TXNRD2: variants seen among roughly 807,000 people sequenced by gnomAD.
TXNRD2 encodes thioredoxin reductase 2, mitochondrial.
A neutral mutation model predicts 70.8 loss-of-function variants in TXNRD2; 67 were observed. That is an observed-to-expected ratio of 0.95 (90% CI 0.78 to 1.16). TXNRD2 has a LOEUF of 1.16. TXNRD2 is among the 50% of genes most tolerant of loss of function. The probability of loss-of-function intolerance (pLI) is 0.00; values close to 1 mark genes in which losing one functional copy is unlikely to be tolerated. For missense variants in TXNRD2, 644 were observed against 719.9 expected, an observed-to-expected ratio of 0.89 and a Z score of 1.21; for synonymous variants, 301 against 295.8, an observed-to-expected ratio of 1.02 and a Z score of -0.18.
intron 11 of TXNRD2, among the ~76,000 whole-genome samples, chr22:19,884,822 A>G (rs903340856): frequency 2.0e-5 from 3 of 152,210 alleles, no homozygotes; most frequent in Admixed American, 2.0e-4. Flanking sequence ...GTAGAGGGCC[A>G]GGTGAGCAGA....
At chr22:19,886,878 T>C (rs1939057009) in intron 11 of TXNRD2, among the ~76,000 whole-genome samples, 1 of 152,198 alleles carries the variant, frequency 6.6e-6, no homozygotes, top group South Asian at 2.1e-4. Context: ...ACCACCAGGA[T>C]GGAGACCTGG....
At chr22:19,880,364 A>G in intron 13 of TXNRD2, 93 bp from the exon 14 acceptor site, 1 of 1,321,796 alleles carries the variant, frequency 7.6e-7, no homozygotes, top group Non-Finnish European at 1.1e-6. Context: ...ATCACAGACC[A>G]GGACCAGATG....
chr22:19,931,074 A>G lies in TXNRD2; in HGVS notation c.128T>C (p.Leu43Pro), dbSNP rs758028882. 14 of 1,613,380 alleles carry G rather than the reference A, an allele frequency of 8.7e-6. No homozygotes were observed. The South Asian group carries it at 1.5e-4, about 18-fold the overall frequency. The change falls in exon 2 of 18, where the codon CTG (leucine) becomes CCG (proline). Residue 43 changes from leucine to proline, a missense_variant. By Grantham distance (98) the Leu-to-Pro change is moderately conservative. Coordinates refer to ENST00000400521, the MANE Select transcript of TXNRD2 (RefSeq NM_006440.5). ...GCCACCAGATCCCCCGCCGACCACCAGGAGATCATAGTCCCGCTGACCTGC... is the reference window on the plus strand; with the variant it reads ...GCCACCAGATCCCCCGCCGACCACCGGGAGATCATAGTCCCGCTGACCTGC... ...AAAGQRDYDL[L>P]VVGGGSGGLA...
chr22:19,907,175 C>T (rs1264743673), intron 8 of TXNRD2, among the ~76,000 whole-genome samples: 29 of 77,926 alleles, frequency 3.7e-4, no homozygotes, highest in Middle Eastern at 7.9e-3. Flanking sequence ...AGAGTGTGGG[C>T]GCACCATGAG....
intron 12 of TXNRD2, 50 bp downstream of exon 12, chr22:19,883,275 T>G (rs1601389018): frequency 6.2e-7 from 1 of 1,601,706 alleles, no homozygotes; most frequent in South Asian, 1.1e-5. Context: ...CGAGCAGGGG[T>G]GGTGGAGCAG....
At chr22:19,909,003 G>C (rs1940195304) in intron 8 of TXNRD2, among the ~76,000 whole-genome samples, 1 of 152,104 alleles carries the variant, frequency 6.6e-6, no homozygotes, top group Non-Finnish European at 1.5e-5. Flanking sequence ...TCAGGAGTTT[G>C]AGACCAGCCT....
intron 7 of TXNRD2, among the ~76,000 whole-genome samples, chr22:19,914,013 C>T (rs1482152543): frequency 1.3e-5 from 2 of 152,196 alleles, no homozygotes; most frequent in African/African-American, 2.4e-5. Context: ...CAACAGAATC[C>T]TGGGGCAGAG....
At position 19,895,597 on chromosome 22, in the gene TXNRD2, A is replaced by C; in HGVS notation, c.775-16T>G. 1 of 1,608,114 alleles carries C rather than the reference A, an allele frequency of 6.2e-7. No individual in the cohort carries two copies. Reference sequence around the variant, plus strand: ...AGGACATTTGCTGCAAAGCACAAGAAGACAGGCCATGAAGACCAGGTGGCC... The same window carrying C: ...AGGACATTTGCTGCAAAGCACAAGACGACAGGCCATGAAGACCAGGTGGCC... On this transcript the variant is annotated splice_polypyrimidine_tract_variant and intron_variant, in intron 10 of 17. Coordinates refer to ENST00000400521, the MANE Select transcript of TXNRD2 (RefSeq NM_006440.5).
intron 11 of TXNRD2, chr22:19,895,184 C>A (rs769617627): frequency 1.3e-6 from 2 of 1,598,308 alleles, no homozygotes. Flanking sequence ...TGGGGAGACA[C>A]GCAGAGATGC....
chr22:19,882,062 G>A (rs1326471288), intron 12 of TXNRD2, among the ~76,000 whole-genome samples: 1 of 152,212 alleles, frequency 6.6e-6, no homozygotes, highest in African/African-American at 2.4e-5. Context: ...GAAACTGTAA[G>A]AGGCAAATCA....
chr22:19,898,267 C>G, intron 9 of TXNRD2, 137 bp from the exon 10 acceptor site: 1 of 785,824 alleles, frequency 1.3e-6, no homozygotes, highest in Non-Finnish European at 2.1e-6. Flanking sequence ...TCAAGACCCC[C>G]ACCTCCACAT....
intron 2 of TXNRD2, among the ~76,000 whole-genome samples, chr22:19,929,732 T>A (rs1223310238): frequency 6.6e-6 from 1 of 152,190 alleles, no homozygotes; most frequent in Non-Finnish European, 1.5e-5. Flanking sequence ...GTCTGTTTAT[T>A]ACGGCAGCCC....
At chr22:19,898,510 C>CTTTTTTTTTTTTTTTTTTTTTTTTT (rs386394954) in intron 9 of TXNRD2, among the ~76,000 whole-genome samples, 1 of 94,388 alleles carries the variant, frequency 1.1e-5, no homozygotes, top group Non-Finnish European at 2.0e-5. Flanking sequence ...CGGCTTGGGG[C>CTTTTTTTTTTTTTTTTTTTTTTTTT]TTTTTTTTTT....
chr22:19,916,978 C>T (rs1438660251), intron 5 of TXNRD2, among the ~76,000 whole-genome samples: 2 of 152,216 alleles, frequency 1.3e-5, no homozygotes, highest in Non-Finnish European at 2.9e-5. Flanking sequence ...CCTGCTTGAG[C>T]CTGCCTTCTC....
chr22:19,930,867 C>T (rs1160175172), intron 2 of TXNRD2, among the ~76,000 whole-genome samples, 163 bp downstream of exon 2: 2 of 152,170 alleles, frequency 1.3e-5, no homozygotes, highest in Non-Finnish European at 2.9e-5. Context: ...GTACAGCAGA[C>T]AGCTGGAGAG....
chr22:19,877,002 T>C lies in TXNRD2; in HGVS notation c.*65+38A>G, dbSNP rs1938535930. 3 of 1,419,716 alleles carry C rather than the reference T, an allele frequency of 2.1e-6. No individual in the cohort carries two copies. The Admixed American group carries it at 6.6e-5, about 31-fold the overall frequency. 87.9% of individuals were successfully genotyped at this position (1,419,716 alleles called of 1,614,324 possible). ...CCAGGGCTCCTGCACCCCTGCCACA[T>C]GCCCTGTCCTCAAACAGAGCCAGCC... On this transcript the variant is annotated intron_variant, in intron 17 of 17. Coordinates refer to ENST00000400521, the MANE Select transcript of TXNRD2 (RefSeq NM_006440.5).
At chr22:19,906,536 T>G (rs1403193121) in intron 8 of TXNRD2, among the ~76,000 whole-genome samples, 1 of 151,898 alleles carries the variant, frequency 6.6e-6, no homozygotes, top group Admixed American at 6.6e-5. Flanking sequence ...GCAGGAGAAT[T>G]GCTTGAATCC....
chr22:19,880,335 T>C lies in TXNRD2; in HGVS notation c.1183-64A>G, dbSNP rs143090636. On this transcript the variant is annotated intron_variant, in intron 13 of 17. Transcript: ENST00000400521. Reference sequence around the variant, plus strand: ...CCGAAAACCGAAGTTCCCCACTGCATGTGACACAAAGAGCAGCGATCACAG... The same window carrying C: ...CCGAAAACCGAAGTTCCCCACTGCACGTGACACAAAGAGCAGCGATCACAG... 7 of 1,511,110 alleles carry C rather than the reference T, an allele frequency of 4.6e-6. No homozygotes were observed. The South Asian group carries it at 8.0e-5, about 17-fold the overall frequency. The allele number at this position is 1,511,110 out of a possible 1,614,324, so 93.6% of individuals were successfully genotyped here.
In TXNRD2 at chr22:19,941,771, T is replaced by C; in HGVS notation, c.33A>G (p.Leu11=). 6.6e-7 allele frequency: 1 copy of C among 1,523,268 alleles called. No homozygotes were observed. The highest frequency in any genetic ancestry group is 8.7e-7 in the Non-Finnish European group (1 of 1,144,954). 94.4% of individuals were successfully genotyped at this position (1,523,268 alleles called of 1,614,324 possible). Residue 11 remains leucine (L), a synonymous_variant, in exon 1 of 18, where the codon TTA becomes TTG. Coordinates refer to ENST00000400521, the MANE Select transcript of TXNRD2 (RefSeq NM_006440.5). ...GCGTCCGCCACCGGAAGCGCCCTCC[T>C]AATCCCCGCAGCGCCACCGCCATTG... MAAMAVALRG[L]GGRFRWRTQA...
Sources: gnomAD v4.1 joint callset for allele counts (sites outside exome capture counted in the v4.1 genomes callset) on GRCh38, gnomAD v4.1.1 for gene constraint, MANE v1.5 for transcripts, NCBI Gene and HGNC (gene_info 2026-07-23, HGNC 2026-07-21) for gene names.